Variants in GABRA6 observed in about 807,000 individuals in gnomAD.
GABRA6 encodes gamma-aminobutyric acid receptor subunit alpha-6.
In GABRA6, 45 loss-of-function variants were observed where a neutral mutation model predicts 47.3. That is an observed-to-expected ratio of 0.95 (90% CI 0.75 to 1.22). The LOEUF is 1.22. Among genes scored for constraint, GABRA6 ranks in the 50% most tolerant of loss-of-function variants. The pLI is 0.00. For missense variants in GABRA6, 583 were observed against 549.3 expected (o/e 1.06, Z -0.61); for synonymous variants, 219 against 194.7 (o/e 1.12, Z -1.04).
intron 8 of GABRA6, among the ~76,000 whole-genome samples, chr5:161,694,254 A>AGT (rs1017962801): frequency 2.6e-5 from 4 of 151,616 alleles, no homozygotes; most frequent in African/African-American, 9.7e-5. Flanking sequence ...AAATGAAAAA[A>AGT]GTGCTTATCA....
intron 7 of GABRA6, 63 bp from the exon 8 acceptor site, chr5:161,691,878 C>G (rs1168252832): frequency 6.8e-7 from 1 of 1,465,630 alleles, no homozygotes; most frequent in African/African-American, 1.4e-5. Flanking sequence ...GACACATTCT[C>G]ATTTGATTTT....
intron 7 of GABRA6, among the ~76,000 whole-genome samples, chr5:161,691,553 G>A (rs1345602003): frequency 6.6e-6 from 1 of 151,682 alleles, no homozygotes; most frequent in African/African-American, 2.4e-5. Flanking sequence ...GCCCGCCTCG[G>A]CCTCCCAAAC....
At chr5:161,696,406 A>AT (rs573636852) in intron 8 of GABRA6, among the ~76,000 whole-genome samples, 23 of 142,658 alleles carry the variant, frequency 1.6e-4, no homozygotes, top group African/African-American at 5.5e-4. Flanking sequence ...GCTGGAGCTG[A>AT]TTTTTTTTGA....
intron 8 of GABRA6, among the ~76,000 whole-genome samples, chr5:161,699,365 T>C (rs2113087180): frequency 6.6e-6 from 1 of 152,260 alleles, no homozygotes; most frequent in African/African-American, 2.4e-5. Context: ...GTGACACCTT[T>C]TGCTCTTTCA....
chr5:161,701,877 A>T lies in GABRA6; in HGVS notation c.*104A>T. ...TTGTGTAGATGCTTCTCAGAACATG[A>T]AATCAAATTGGAAATCTGTAACGCA... On this transcript the variant is annotated 3_prime_UTR_variant, in exon 9 of 9. Coordinates refer to ENST00000274545, the MANE Select transcript of GABRA6 (RefSeq NM_000811.3). The T allele has an allele frequency of 1.6e-6, 2 of 1,252,468 alleles. No homozygotes were observed. The highest frequency in any genetic ancestry group is 2.3e-6 in the Non-Finnish European group (2 of 865,824). 77.6% of individuals were successfully genotyped at this position (1,252,468 alleles called of 1,614,324 possible). A position where few individuals can be genotyped will look rare whatever the true frequency, so the allele number is the denominator to read the frequency against.
chr5:161,694,106 C>A (rs1178375881), intron 8 of GABRA6, among the ~76,000 whole-genome samples: 1 of 151,956 alleles, frequency 6.6e-6, no homozygotes, highest in Non-Finnish European at 1.5e-5. Context: ...CATTTTTTGT[C>A]ATGATAAATT....
chr5:161,702,590 AT>A lies in GABRA6; in HGVS notation c.*818del, dbSNP rs1755002541. On this transcript the variant is annotated 3_prime_UTR_variant, in exon 9 of 9. Transcript: ENST00000274545. The stretch of plus-strand genomic sequence containing the variant: ...AACACTAAATAAAACAACAATAAAC[AT>A]GGTTCTCTGGATCTGTCTCATACAA... The A allele has an allele frequency of 6.6e-6, 1 of 152,186 alleles. No individual in the cohort carries two copies. 9.4% of individuals were successfully genotyped at this position (152,186 alleles called of 1,614,324 possible).
intron 7 of GABRA6, among the ~76,000 whole-genome samples, chr5:161,691,323 T>C (rs1754787012): frequency 7.8e-6 from 1 of 127,598 alleles, no homozygotes; most frequent in Non-Finnish European, 1.6e-5. Context: ...TGAGACGGAG[T>C]GTCCGTCTGT....
At chr5:161,698,653 C>T (rs1300969475) in intron 8 of GABRA6, among the ~76,000 whole-genome samples, 2 of 151,868 alleles carry the variant, frequency 1.3e-5, no homozygotes, top group Admixed American at 1.3e-4. Flanking sequence ...TTTGTCCCTA[C>T]CTTCACAGAA....
chr5:161,689,045 G>A lies in GABRA6; in HGVS notation c.322G>A (p.Val108Ile), dbSNP rs146653636. 100 of 1,613,986 alleles carry A rather than the reference G, an allele frequency of 6.2e-5. No homozygotes were observed. In the African/African-American group the frequency reaches 1.0e-3, roughly 17 times the overall value. ...TEILSLNNLM[V>I]SKIWTPDTFF... ...GATTCTGAGTCTGAATAATTTGATG[G>A]TCAGTAAAATCTGGACGCCTGACAC... The change falls in exon 4 of 9, where the codon GTC becomes ATC. Residue 108 changes from valine (V) to isoleucine (I), a missense_variant. Coordinates refer to ENST00000274545, the MANE Select transcript of GABRA6 (RefSeq NM_000811.3).
intron 8 of GABRA6, among the ~76,000 whole-genome samples, chr5:161,693,799 C>T (rs1754843763): frequency 6.6e-6 from 1 of 152,016 alleles, no homozygotes; most frequent in Admixed American, 6.6e-5. Context: ...TCTTGGGTGA[C>T]ACATTTAGAT....
At chr5:161,698,662 A>C (rs1754924103) in intron 8 of GABRA6, among the ~76,000 whole-genome samples, 2 of 152,086 alleles carry the variant, frequency 1.3e-5, no homozygotes. Flanking sequence ...ACCTTCACAG[A>C]AACTTGAAGC....
chr5:161,701,032 C>T (rs1014018256), intron 8 of GABRA6, among the ~76,000 whole-genome samples: 3 of 152,106 alleles, frequency 2.0e-5, no homozygotes, highest in Admixed American at 1.3e-4. Context: ...GGAATGTGTA[C>T]AGAAGAATGG....
chr5:161,695,177 G>A (rs2113080473), intron 8 of GABRA6, among the ~76,000 whole-genome samples: 1 of 151,968 alleles, frequency 6.6e-6, no homozygotes, highest in Middle Eastern at 3.4e-3. Context: ...AGTGAATGTG[G>A]GTAAAAATTT....
At chr5:161,687,471 C>G (rs907586005) in intron 3 of GABRA6, 2 of 454,546 alleles carry the variant, frequency 4.4e-6, no homozygotes, top group Non-Finnish European at 8.8e-6. Context: ...CTGATGCTCT[C>G]CACCTTTTAC....
intron 6 of GABRA6, 162 bp from the exon 7 acceptor site, chr5:161,690,039 C>T (rs1754765555): frequency 1.4e-6 from 1 of 723,832 alleles, no homozygotes; most frequent in South Asian, 1.6e-5. Flanking sequence ...TCTCTTCGCT[C>T]TATCATCTGC....
In GABRA6 at chr5:161,701,631, T is replaced by C; in HGVS notation, c.1220T>C (p.Leu407Pro). The change falls in exon 9 of 9, where the codon CTC (leucine) becomes CCC (proline). Residue 407 changes from leucine (L) to proline (P), a missense_variant. Coordinates refer to ENST00000274545, the MANE Select transcript of GABRA6 (RefSeq NM_000811.3). Reference sequence around the variant, plus strand: ...TCAACACCTGTCACACCCCCACCACTCTCGCCAGCCTTTGGAGGCACCAGT... The same window carrying C: ...TCAACACCTGTCACACCCCCACCACCCTCGCCAGCCTTTGGAGGCACCAGT... Reference protein sequence around the residue: ...LQSTPVTPPPLSPAFGGTSKI... With the variant: ...LQSTPVTPPPPSPAFGGTSKI... 6.2e-7 allele frequency: 1 copy of C among 1,614,080 alleles called. No homozygotes were observed. The highest frequency in any genetic ancestry group is 8.5e-7 in the Non-Finnish European group (1 of 1,180,004).
chr5:161,694,320 AG>A (rs1561726191), intron 8 of GABRA6, among the ~76,000 whole-genome samples: 1 of 151,458 alleles, frequency 6.6e-6, no homozygotes, highest in African/African-American at 2.4e-5. Context: ...AAAAAAAAAA[AG>A]ATCGTCAAAA....
chr5:161,685,990 ATGGCGTCGTCTCTGCCC>A lies in GABRA6; in HGVS notation c.6_22del (p.Ser3_?8). 1 of 1,613,728 alleles carries A rather than the reference ATGGCGTCGTCTCTGCCC, an allele frequency of 6.2e-7. No homozygotes were observed. The highest frequency in any genetic ancestry group is 8.5e-7 in the Non-Finnish European group (1 of 1,179,640). Reference sequence around the variant, plus strand: ...ATTCTGCATTTCAGTGCACTGCAGGATGGCGTCGTCTCTGCCCTGGCTGTGCATTATTCTGTGGTGAG... The same window carrying A: ...ATTCTGCATTTCAGTGCACTGCAGGATGGCTGTGCATTATTCTGTGGTGAG... On this transcript the variant is annotated frameshift_variant and start_lost, in exon 1 of 9. Transcript: ENST00000274545. LOFTEE classifies it high-confidence loss of function.
Sources: allele counts gnomAD v4.1 joint callset (sites outside exome capture counted in the v4.1 genomes callset), GRCh38; gene constraint gnomAD v4.1.1; transcripts MANE v1.5; gene names NCBI Gene and HGNC (gene_info 2026-07-23, HGNC 2026-07-21).